PRKCI: variants seen among roughly 807,000 people sequenced by gnomAD.
PRKCI encodes the protein protein kinase C iota type.
In PRKCI, 43 loss-of-function variants were observed where a neutral mutation model predicts 84.0. That is an observed-to-expected ratio of 0.51 (90% CI 0.40 to 0.66). The LOEUF (loss-of-function observed/expected upper bound fraction) is 0.66. PRKCI is among the 30% of genes least tolerant of loss of function. The pLI, the probability that PRKCI is intolerant of heterozygous loss-of-function variation, is 0.00. For missense variants in PRKCI, 459 were observed against 745.6 expected (o/e 0.62, Z 4.48); for synonymous variants, 216 against 234.4 (o/e 0.92, Z 0.72).
At chr3:170,229,621 C>T (rs539436059) in intron 1 of PRKCI, among the ~76,000 whole-genome samples, 2 of 152,250 alleles carry the variant, frequency 1.3e-5, no homozygotes, top group East Asian at 1.9e-4. Flanking sequence ...AATCTTTTTT[C>T]GGATTGATGA....
At chr3:170,285,484 A>G (rs1311747942) in intron 12 of PRKCI, among the ~76,000 whole-genome samples, 3 of 152,212 alleles carry the variant, frequency 2.0e-5, no homozygotes, top group Non-Finnish European at 4.4e-5. Flanking sequence ...AACTGGTACA[A>G]AATTATCCTC....
rs554786646 is a variant in PRKCI, at chr3:170,250,304, TA to T, written c.224-9653del. ...AAAAAAAGCTAGACTCCACATTCTT[TA>T]AAAAAAAAAAACAACTTTGCTAAGA... On this transcript the variant is annotated intron_variant, in intron 2 of 17. Transcript: ENST00000295797. 1.5e-3 allele frequency among the ~76,000 whole-genome samples: 212 copies of T among 142,198 alleles called. 1 individual carries two copies. The highest frequency in any genetic ancestry group is 7.7e-3 in the South Asian group (34 of 4,402). The allele number at this position is 142,198 out of a possible 152,430, so 93.3% of individuals were successfully genotyped here.
intron 2 of PRKCI, among the ~76,000 whole-genome samples, chr3:170,238,441 G>A (rs578217354): frequency 4.8e-5 from 7 of 146,804 alleles, no homozygotes; most frequent in African/African-American, 1.7e-4. Flanking sequence ...TCATTTCAGT[G>A]TACTTCAATT....
chr3:170,284,659 CT>C, intron 12 of PRKCI, 63 bp downstream of exon 12: 2 of 1,502,012 alleles, frequency 1.3e-6, no homozygotes, highest in Non-Finnish European at 1.8e-6. Context: ...TGTAAAATAA[CT>C]TCATGTTTAA....
rs115345596 is a variant in PRKCI at position 170,278,412 on chromosome 3, G to A, written c.706-1815G>A. Among the ~76,000 whole-genome samples the A allele has an allele frequency of 9.6e-3, 1,460 of 152,268 alleles. 9 individuals carry two copies. The highest frequency in any genetic ancestry group is 0.015 in the Non-Finnish European group (1,025 of 68,018). Reference sequence around the variant, plus strand: ...TGGCAGCTCACACCTATAATCCTAGGACTTTAGACCGGGAGGATCATTTGA... The same window carrying A: ...TGGCAGCTCACACCTATAATCCTAGAACTTTAGACCGGGAGGATCATTTGA... On this transcript the variant is annotated intron_variant, in intron 8 of 17. Transcript: ENST00000295797.
chr3:170,292,430 T>G (rs1361742649), intron 13 of PRKCI, among the ~76,000 whole-genome samples: 1 of 152,224 alleles, frequency 6.6e-6, no homozygotes, highest in Non-Finnish European at 1.5e-5. Flanking sequence ...AAAGATTAAC[T>G]GTATCTCAGG....
At chr3:170,268,092 TATAC>T (rs1434066548) in intron 5 of PRKCI, 92 bp downstream of exon 5, 3 of 1,028,618 alleles carry the variant, frequency 2.9e-6, no homozygotes. Context: ...TAAGTCTTGT[TATAC>T]ACTTTTAAAT....
intron 12 of PRKCI, among the ~76,000 whole-genome samples, 176 bp downstream of exon 12, chr3:170,284,772 A>G (rs1247186642): frequency 1.3e-5 from 2 of 152,202 alleles, no homozygotes; most frequent in African/African-American, 4.8e-5. Flanking sequence ...CAAAATTTGT[A>G]TCTTCTGTGT....
intron 8 of PRKCI, among the ~76,000 whole-genome samples, chr3:170,277,647 C>T (rs1281064340): frequency 1.3e-5 from 2 of 149,572 alleles, no homozygotes; most frequent in African/African-American, 5.0e-5. Context: ...TGAGCAGAGA[C>T]TGTACCAGTG....
At chr3:170,237,255 G>A (rs1368039941) in intron 2 of PRKCI, among the ~76,000 whole-genome samples, 4 of 152,204 alleles carry the variant, frequency 2.6e-5, no homozygotes, top group African/African-American at 7.2e-5. Flanking sequence ...CAGGCTCCAC[G>A]GGTGAGTTGT....
At chr3:170,252,817 C>T (rs1379530772) in intron 2 of PRKCI, among the ~76,000 whole-genome samples, 1 of 151,954 alleles carries the variant, frequency 6.6e-6, no homozygotes, top group Non-Finnish European at 1.5e-5. Context: ...GGTCTTGAAC[C>T]AAATACTAGA....
At chr3:170,250,319 A>G (rs1351509630) in intron 2 of PRKCI, among the ~76,000 whole-genome samples, 3 of 151,560 alleles carry the variant, frequency 2.0e-5, no homozygotes, top group African/African-American at 7.3e-5. Context: ...AAAAAAAACA[A>G]CTTTGCTAAG....
chr3:170,247,433 C>T (rs1158799411), intron 2 of PRKCI, among the ~76,000 whole-genome samples: 3 of 151,120 alleles, frequency 2.0e-5, no homozygotes, highest in African/African-American at 7.3e-5. Context: ...TTCATCTCTC[C>T]TGATGTGAAT....
Position 170,287,940 on chromosome 3 carries a change from A to G in PRKCI, c.1203+3344A>G, listed in dbSNP as rs576857150. On this transcript the variant is annotated intron_variant, in intron 12 of 17. Coordinates refer to ENST00000295797, the MANE Select transcript of PRKCI (RefSeq NM_002740.6). The stretch of plus-strand genomic sequence containing the variant: ...AAAAAAAAAAAAAAAAGAAAATCAC[A>G]AAAATGAATTAAGACTTTTCTCTTG... 6.8e-4 allele frequency among the ~76,000 whole-genome samples: 102 copies of G among 150,776 alleles called. 3 individuals are homozygous for G. In the South Asian group the frequency reaches 0.021, roughly 31 times the overall value.
At chr3:170,267,675 C>CA (rs1169448041) in intron 4 of PRKCI, among the ~76,000 whole-genome samples, 4,189 of 52,384 alleles carry the variant, frequency 0.08, 352 homozygotes, top group African/African-American at 0.23. Flanking sequence ...TCCATCTCAC[C>CA]AAAAAAAAAA....
intron 13 of PRKCI, 88 bp downstream of exon 13, chr3:170,292,029 T>A: frequency 1.1e-6 from 1 of 879,770 alleles, no homozygotes; most frequent in Non-Finnish European, 1.9e-6. Flanking sequence ...CACTAATGCA[T>A]TTTGACGTGA....
intron 6 of PRKCI, among the ~76,000 whole-genome samples, chr3:170,272,145 A>G (rs911193506): frequency 2.6e-5 from 4 of 152,066 alleles, no homozygotes; most frequent in African/African-American, 9.7e-5. Context: ...AATCTTAGTG[A>G]ACTTTCTGGC....
chr3:170,270,791 G>T (rs1290476642), intron 6 of PRKCI, among the ~76,000 whole-genome samples: 2 of 152,040 alleles, frequency 1.3e-5, no homozygotes, highest in Admixed American at 1.3e-4. Flanking sequence ...TTTACCTGCT[G>T]TAAAATCCTC....
At chr3:170,254,162 T>TG (rs1733526951) in intron 2 of PRKCI, among the ~76,000 whole-genome samples, 3 of 152,134 alleles carry the variant, frequency 2.0e-5, no homozygotes, top group African/African-American at 7.2e-5. Flanking sequence ...TTATTAGGTT[T>TG]TTTTTTTCCT....
Sources: allele counts gnomAD v4.1 joint callset (sites outside exome capture counted in the v4.1 genomes callset), GRCh38; gene constraint gnomAD v4.1.1; transcripts MANE v1.5; gene names NCBI Gene and HGNC (gene_info 2026-07-23, HGNC 2026-07-21).